The following ZBTB46 variants were observed in gnomAD, a reference collection of about 807,000 sequenced individuals.
ZBTB46 encodes zinc finger and BTB domain-containing protein 46.
A neutral mutation model predicts 44.1 loss-of-function variants in ZBTB46; 8 were observed. The observed-to-expected ratio is 0.18, with a 90% confidence interval of 0.11 to 0.33. The LOEUF is 0.33. Among genes scored for constraint, ZBTB46 ranks in the 10% least tolerant of loss-of-function variants. ZBTB46 has a pLI of 1.00. For synonymous variants in ZBTB46, 409 were observed against 382.3 expected, an observed-to-expected ratio of 1.07 and a Z score of -0.81; for missense variants, 651 against 847.7, an observed-to-expected ratio of 0.77 and a Z score of 2.88.
chr20:63,795,412 C>A (rs374231214), intron 1 of ZBTB46, among the ~76,000 whole-genome samples: 5 of 152,218 alleles, frequency 3.3e-5, no homozygotes, highest in African/African-American at 1.2e-4. Flanking sequence ...GTGCACAGGA[C>A]GCGGTGCAGT....
At chr20:63,799,759 C>A (rs1384762775) in intron 1 of ZBTB46, among the ~76,000 whole-genome samples, 1 of 152,150 alleles carries the variant, frequency 6.6e-6, no homozygotes, top group Non-Finnish European at 1.5e-5. Flanking sequence ...GGAAGTGCGC[C>A]CGGAACCACA....
At chr20:63,792,501 T>C (rs2145938670) in intron 1 of ZBTB46, among the ~76,000 whole-genome samples, 1 of 151,978 alleles carries the variant, frequency 6.6e-6, no homozygotes, top group South Asian at 2.1e-4. Context: ...CTTCACTTAG[T>C]CATGACAGAA....
In ZBTB46 at chr20:63,803,433, G is replaced by A. The variant is rs140794089; in HGVS notation, c.-33-12643C>T. ...AGAGTCGTCTTTCGACAGCGAGACC[G>A]GTGGTACTATCCACATCATCTCCAG... is the stretch of plus-strand genomic sequence containing the variant. On this transcript the variant is annotated intron_variant, in intron 1 of 4. Transcript: ENST00000245663. This position sits in a 1 kb window ranked among gnomAD's most constrained non-coding sequence, Gnocchi z 4.0. 45 of 985,412 alleles carry A rather than the reference G, an allele frequency of 4.6e-5. No individual in the cohort carries two copies. In the Middle Eastern group the frequency reaches 2.1e-3, roughly 46 times the overall value. The allele number at this position is 985,412 out of a possible 1,614,324, so 61.0% of individuals were successfully genotyped here. A position where few individuals can be genotyped will look rare whatever the true frequency, so the allele number is the denominator to read the frequency against.
intron 3 of ZBTB46, among the ~76,000 whole-genome samples, chr20:63,759,771 TA>T (rs1191367036): frequency 5.9e-5 from 9 of 152,140 alleles, no homozygotes; most frequent in African/African-American, 2.2e-4. Flanking sequence ...ACCAAAAGGT[TA>T]ACTTTTTTTT....
intron 1 of ZBTB46, among the ~76,000 whole-genome samples, chr20:63,793,520 A>G (rs917101408): frequency 1.3e-5 from 2 of 152,140 alleles, no homozygotes; most frequent in African/African-American, 2.4e-5. Flanking sequence ...AGCTCCAGGC[A>G]CCCTGTATCC....
rs1421498028 is a variant in ZBTB46 at position 63,744,663 on chromosome 20, A to C, written c.*2267T>G. 6.6e-6 allele frequency: 1 copy of C among 152,354 alleles called. No homozygotes were observed. The highest frequency in any genetic ancestry group is 6.5e-5 in the Admixed American group (1 of 15,288). 9.4% of individuals were successfully genotyped at this position (152,354 alleles called of 1,614,324 possible). ...TGCTCACCTGGGCCTCGGAAATCCC[A>C]CACTCTTCAGTCGGCAAACTGCGAA... On this transcript the variant is annotated 3_prime_UTR_variant, in exon 5 of 5. Coordinates refer to ENST00000245663, the MANE Select transcript of ZBTB46 (RefSeq NM_001369741.1).
intron 2 of ZBTB46, among the ~76,000 whole-genome samples, chr20:63,781,013 T>C (rs1430249633): frequency 6.5e-5 from 9 of 138,496 alleles, no homozygotes; most frequent in Non-Finnish European, 1.2e-4. Flanking sequence ...CGGTGGCGGG[T>C]GCCTGTAATC....
rs1482816175 is a variant in ZBTB46, at chr20:63,752,974, G to A, written c.1223-113C>T. 3.3e-6 allele frequency: 4 copies of A among 1,205,964 alleles called. No individual in the cohort carries two copies. The highest frequency in any genetic ancestry group is 3.4e-6 in the Non-Finnish European group (3 of 882,258). 74.7% of individuals were successfully genotyped at this position (1,205,964 alleles called of 1,614,324 possible). A position where few individuals can be genotyped will look rare whatever the true frequency, so the allele number is the denominator to read the frequency against. On this transcript the variant is annotated intron_variant, in intron 3 of 4. Coordinates refer to ENST00000245663, the MANE Select transcript of ZBTB46 (RefSeq NM_001369741.1). The surrounding 1 kb of genome is among the most constrained non-coding windows in gnomAD (Gnocchi z 5.6). ...GCAGCCAGGACGGGCTGTCTCCCAC[G>A]GCCACCCACTGGGGGCTGGTCAGCA...
At chr20:63,825,906 C>G (rs555025382) in intron 1 of ZBTB46, among the ~76,000 whole-genome samples, 46 of 152,354 alleles carry the variant, frequency 3.0e-4, no homozygotes, top group South Asian at 6.2e-4. Flanking sequence ...TCTGTCCATC[C>G]GGCGGGTGAC....
At chr20:63,768,305 C>T (rs1277855343) in intron 3 of ZBTB46, among the ~76,000 whole-genome samples, 1 of 152,202 alleles carries the variant, frequency 6.6e-6, no homozygotes, top group Admixed American at 6.5e-5. Flanking sequence ...CATCCTAGCA[C>T]TTTGGGAGAC....
intron 3 of ZBTB46, among the ~76,000 whole-genome samples, chr20:63,769,703 G>C (rs1315916964): frequency 6.6e-6 from 1 of 152,164 alleles, no homozygotes; most frequent in South Asian, 2.1e-4. Context: ...GAACGCCAAG[G>C]CACGCTGGCC....
intron 2 of ZBTB46, among the ~76,000 whole-genome samples, chr20:63,779,475 A>G (rs2092452127): frequency 7.4e-6 from 1 of 135,884 alleles, no homozygotes. Flanking sequence ...GCTGGAGTGC[A>G]GTGGCATGAT....
At chr20:63,766,789 C>T (rs1359578858) in intron 3 of ZBTB46, among the ~76,000 whole-genome samples, 1 of 152,232 alleles carries the variant, frequency 6.6e-6, no homozygotes, top group Non-Finnish European at 1.5e-5. Flanking sequence ...CCAGGGGAGG[C>T]TCCAGCAGAT....
At chr20:63,791,013 C>A in intron 1 of ZBTB46, 1 of 516,692 alleles carries the variant, frequency 1.9e-6, no homozygotes. Context: ...GGGACGTCTG[C>A]CACGTGTTTC....
At chr20:63,758,888 C>A (rs910202464) in intron 3 of ZBTB46, among the ~76,000 whole-genome samples, 3 of 141,898 alleles carry the variant, frequency 2.1e-5, no homozygotes, top group African/African-American at 8.0e-5. Flanking sequence ...CCCGCCACCA[C>A]GCCCGGCTAA....
chr20:63,830,974 C>A (rs1299373543), intron 1 of ZBTB46, 123 bp downstream of exon 1: 1 of 140,874 alleles, frequency 7.1e-6, no homozygotes, highest in Non-Finnish European at 1.6e-5. Flanking sequence ...CGTGGCGGGG[C>A]GGCCGGCGGC....
Position 63,752,533 on chromosome 20 carries a change from C to G in ZBTB46, c.1398+153G>C, listed in dbSNP as rs2092178259. Among the ~76,000 whole-genome samples, 1 of 152,138 alleles carries G rather than the reference C, an allele frequency of 6.6e-6. No homozygotes were observed. The highest frequency in any genetic ancestry group is 1.5e-5 in the Non-Finnish European group (1 of 68,002). ...GAGGCCGGGGCAGAGCAGACAGGGG[C>G]CCGGGGCGGATCTCCCTGCCCTGCT... On this transcript the variant is annotated intron_variant, in intron 4 of 4. Transcript: ENST00000245663. The surrounding 1 kb of genome is among the most constrained non-coding windows in gnomAD (Gnocchi z 5.6).
Position 63,789,916 on chromosome 20 carries a change from T to C in ZBTB46, c.842A>G (p.His281Arg). The change falls in exon 2 of 5, where the codon CAC (histidine) becomes CGC (arginine). Residue 281 changes from histidine (H) to arginine (R), a missense_variant. His to Arg is a conservative substitution (Grantham distance 29). Coordinates refer to ENST00000245663, the MANE Select transcript of ZBTB46 (RefSeq NM_001369741.1). Reference sequence around the variant, plus strand: ...GTCATCTTCCACCTGCTGTGTGATGTGCCGGACGGTCTCTTTGTTTTTCCG... The same window carrying C: ...GTCATCTTCCACCTGCTGTGTGATGCGCCGGACGGTCTCTTTGTTTTTCCG... The part of the protein sequence containing the change: ...KNRKNKETVR[H>R]ITQQVEDDSR... The C allele has an allele frequency of 6.2e-7, 1 of 1,614,082 alleles. No individual in the cohort carries two copies. The highest frequency in any genetic ancestry group is 2.2e-5 in the East Asian group (1 of 44,888).
chr20:63,757,274 C>T (rs6089973), intron 3 of ZBTB46, among the ~76,000 whole-genome samples: 87,881 of 151,944 alleles, frequency 0.58, 25,586 homozygotes, highest in South Asian at 0.75. Context: ...AGGCACTCAT[C>T]GCTACACCAG....
Sources: allele counts gnomAD v4.1 joint callset (sites outside exome capture counted in the v4.1 genomes callset), GRCh38; gene constraint gnomAD v4.1.1; non-coding constraint Gnocchi (gnomAD v3.1); transcripts MANE v1.5; gene names NCBI Gene and HGNC (gene_info 2026-07-23, HGNC 2026-07-21).